KIRREL2: variants seen among roughly 807,000 people sequenced by gnomAD.
KIRREL2 encodes the protein kin of IRRE-like protein 2.
Under a neutral mutation model 73.4 loss-of-function variants are expected in KIRREL2, and 56 were observed. The observed-to-expected ratio is 0.76, with a 90% CI of 0.62 to 0.95. The LOEUF is 0.95. Among genes scored for constraint, KIRREL2 ranks in the 40% least tolerant of loss-of-function variants. The probability of loss-of-function intolerance (pLI) is 0.00; values close to 1 mark genes in which losing one functional copy is unlikely to be tolerated. For missense variants in KIRREL2, 896 were observed against 935.0 expected, an observed-to-expected ratio of 0.96 and a Z score of 0.54; for synonymous variants, 407 against 404.0, an observed-to-expected ratio of 1.01 and a Z score of -0.09.
At position 35,857,137 on chromosome 19, in the gene KIRREL2, C is replaced by T; in HGVS notation, c.18C>T (p.Val6=). ...GGGGACGAATGCTCAGGATGCGGGT[C>T]CCCGCCCTCCTCGTCCTCCTCTTCT... The part of the protein sequence containing the change: MLRMR[V]PALLVLLFCF... The change falls in exon 1 of 15, where the codon GTC becomes GTT. Residue 6 remains valine (V), a synonymous_variant. Coordinates refer to ENST00000360202, the MANE Select transcript of KIRREL2 (RefSeq NM_199180.4). 6.2e-7 allele frequency: 1 copy of T among 1,613,696 alleles called. No homozygotes were observed. The highest frequency in any genetic ancestry group is 8.5e-7 in the Non-Finnish European group (1 of 1,179,936).
rs1454753886 is a variant in KIRREL2 at position 35,860,929 on chromosome 19, A to G, written c.949A>G (p.Lys317Glu). Reference protein sequence around the residue: ...DVLFGPILQAKPEPVSVDVGE... With the variant: ...DVLFGPILQAEPEPVSVDVGE... ...TCCAGTTGGGCCGATTCTGCAGGCA[A>G]AGCCGGAGCCCGTGTCCGTGGACGT... The change falls in exon 8 of 15, where the codon AAG (lysine) becomes GAG (glutamate). Residue 317 changes from lysine (K) to glutamate (E), a missense_variant. Physicochemically the swap from Lys to Glu is moderately conservative, Grantham distance 56. Coordinates refer to ENST00000360202, the MANE Select transcript of KIRREL2 (RefSeq NM_199180.4). The G allele has an allele frequency of 6.2e-7, 1 of 1,613,858 alleles. No homozygotes were observed. The highest frequency in any genetic ancestry group is 1.1e-5 in the South Asian group (1 of 91,058).
chr19:35,857,055 C>A lies in KIRREL2; in HGVS notation c.-65C>A. On this transcript the variant is annotated 5_prime_UTR_variant, in exon 1 of 15. Coordinates refer to ENST00000360202, the MANE Select transcript of KIRREL2 (RefSeq NM_199180.4). ...CCGGGCCAGGGTGACAGGAGGCGTG[C>A]TTGAGAGGAAGAAGTTGACGGGAAG... 1 of 1,548,410 alleles carries A rather than the reference C, an allele frequency of 6.5e-7. No individual in the cohort carries two copies.
chr19:35,858,585 G>C, intron 3 of KIRREL2, 28 bp downstream of exon 3: 1 of 1,612,986 alleles, frequency 6.2e-7, no homozygotes, highest in African/African-American at 1.3e-5. Context: ...TTGTCCCCTG[G>C]GAGCCCAAGA....
chr19:35,854,255 G>C (rs537551778), upstream of KIRREL2, among the ~76,000 whole-genome samples: 3 of 152,134 alleles, frequency 2.0e-5, no homozygotes, highest in Non-Finnish European at 4.4e-5. Context: ...GCCTCCCAAA[G>C]TACTAGGATT....
chr19:35,858,916 T>A (rs375686298), intron 4 of KIRREL2, 52 bp downstream of exon 4: 16 of 1,594,794 alleles, frequency 1.0e-5, no homozygotes, highest in Non-Finnish European at 1.4e-5. Context: ...AAACTTGGGT[T>A]ACACTCTGAC....
At chr19:35,865,337 G>C (rs775817098) in intron 14 of KIRREL2, among the ~76,000 whole-genome samples, 10 of 151,972 alleles carry the variant, frequency 6.6e-5, no homozygotes, top group Non-Finnish European at 1.2e-4. Flanking sequence ...TTTTAGTAGA[G>C]ATGGAGTTTC....
chr19:35,855,653 CCATA>C (rs1431990062), upstream of KIRREL2, among the ~76,000 whole-genome samples: 4 of 87,384 alleles, frequency 4.6e-5, no homozygotes, highest in Admixed American at 2.5e-4. Context: ...CCGCACCTCC[CCATA>C]CACACACACA....
Position 35,860,547 on chromosome 19 carries a change from G to C in KIRREL2, c.808G>C (p.Gly270Arg). 1 of 1,603,120 alleles carries C rather than the reference G, an allele frequency of 6.2e-7. No individual in the cohort carries two copies. The highest frequency in any genetic ancestry group is 8.5e-7 in the Non-Finnish European group (1 of 1,179,938). ...GGCAAAAGGGGGCTCTCCGGTGCTC[G>C]GGGCCCGCGGGCCAAGGTTAGAGGT... ...RWAKGGSPVL[G>R]ARGPRLEVVA... Residue 270 changes from glycine (G) to arginine (R), a missense_variant, in exon 7 of 15, where the codon GGG (glycine) becomes CGG (arginine). Coordinates refer to ENST00000360202, the MANE Select transcript of KIRREL2 (RefSeq NM_199180.4).
At position 35,866,184 on chromosome 19, in the gene KIRREL2, C is replaced by T. The variant is rs781024681; in HGVS notation, c.1819C>T (p.Arg607Ter). 2.4e-5 allele frequency: 38 copies of T among 1,611,866 alleles called. No homozygotes were observed. The highest frequency in any genetic ancestry group is 1.5e-4 in the South Asian group (14 of 90,956). The change falls in exon 15 of 15, where the codon CGA becomes TGA. Residue 607 changes from arginine to a stop codon, truncating the protein, a stop_gained. Coordinates refer to ENST00000360202, the MANE Select transcript of KIRREL2 (RefSeq NM_199180.4). LOFTEE classifies it high-confidence loss of function. ...KDPTNGYYKV[R>*]GVSVSLSLGE... The stretch of plus-strand genomic sequence containing the variant: ...CCCAACCAACGGTTACTACAAGGTC[C>T]GAGGAGTCAGTGTGAGCCTGAGCCT...
chr19:35,851,719 G>C, upstream of KIRREL2: 1 of 1,576,380 alleles, frequency 6.3e-7, no homozygotes, highest in Non-Finnish European at 8.6e-7. Flanking sequence ...GTTTGTCTAG[G>C]GAAGGTAAGT....
upstream of KIRREL2, chr19:35,851,643 C>T (rs770291189): frequency 1.6e-5 from 26 of 1,613,652 alleles, no homozygotes; most frequent in South Asian, 4.4e-5. Flanking sequence ...CCCCGGGGAA[C>T]GGAGGCAGGA....
rs1212888250 is a variant in KIRREL2, at chr19:35,866,428, C to T, written c.2063C>T (p.Thr688Ile). 6.8e-6 allele frequency: 11 copies of T among 1,605,920 alleles called. No individual in the cohort carries two copies. The highest frequency in any genetic ancestry group is 9.4e-6 in the Non-Finnish European group (11 of 1,172,866). Residue 688 changes from threonine (T) to isoleucine (I), a missense_variant, in exon 15 of 15, where the codon ACT becomes ATT. Physicochemically the swap from Thr to Ile is moderately conservative, Grantham distance 89. Coordinates refer to ENST00000360202, the MANE Select transcript of KIRREL2 (RefSeq NM_199180.4). ...SFGPPDLAPG[T>I]PPFPYAAFPT... ...GGGCCCCCAGATCTGGCCCCCGGGA[C>T]TCCCCCCTTCCCATATGCTGCCTTC...
rs1397108973 is a variant in KIRREL2 at position 35,864,765 on chromosome 19, C to G, written c.1791+52C>G. On this transcript the variant is annotated intron_variant, in intron 14 of 14. Coordinates refer to ENST00000360202, the MANE Select transcript of KIRREL2 (RefSeq NM_199180.4). ...CTTCACTGTTGGGAGAGGCGGGGCT[C>G]CCTTCATTGTGTTTCCGTCTCTCTC... 6 of 1,381,254 alleles carry G rather than the reference C, an allele frequency of 4.3e-6. No individual in the cohort carries two copies. In the Admixed American group the frequency reaches 1.0e-4, roughly 23 times the overall value. The allele number at this position is 1,381,254 out of a possible 1,614,324, so 85.6% of individuals were successfully genotyped here. A position where few individuals can be genotyped will look rare whatever the true frequency, so the allele number is the denominator to read the frequency against.
chr19:35,866,015 ATG>A, intron 14 of KIRREL2, 140 bp from the exon 15 acceptor site: 2 of 747,014 alleles, frequency 2.7e-6, no homozygotes, highest in Middle Eastern at 3.8e-4. Context: ...CTCCCAGTCC[ATG>A]TGTGTCTCTG....
chr19:35,865,173 CTTTTTTT>C (rs35569940), intron 14 of KIRREL2, among the ~76,000 whole-genome samples: 1 of 105,216 alleles, frequency 9.5e-6, no homozygotes, highest in Admixed American at 1.2e-4. Context: ...TCTCTCTCTT[CTTTTTTT>C]TTTTTTTTTT....
In KIRREL2 at chr19:35,866,302, T is replaced by G; in HGVS notation, c.1937T>G (p.Leu646Arg). The G allele has an allele frequency of 6.2e-7, 1 of 1,611,556 alleles. No homozygotes were observed. Reference sequence around the variant, plus strand: ...ACCTTCTATGACTTCAACCCACACCTGGGCATGGTCCCCCCCTGCAGACTT... The same window carrying G: ...ACCTTCTATGACTTCAACCCACACCGGGGCATGGTCCCCCCCTGCAGACTT... ...TPTFYDFNPH[L>R]GMVPPCRLYR... The change falls in exon 15 of 15, where the codon CTG (leucine) becomes CGG (arginine). Residue 646 changes from leucine (L) to arginine (R), a missense_variant. Transcript: ENST00000360202.
intron 13 of KIRREL2, among the ~76,000 whole-genome samples, chr19:35,864,442 G>A (rs150993495): frequency 2.0e-3 from 305 of 152,022 alleles, no homozygotes; most frequent in Non-Finnish European, 2.9e-3. Context: ...CTCCTGCTGC[G>A]GCCTCCCAAA....
chr19:35,858,328 G>C (rs983977417), intron 2 of KIRREL2, 80 bp from the exon 3 acceptor site: 16 of 1,530,516 alleles, frequency 1.0e-5, no homozygotes, highest in Non-Finnish European at 1.4e-5. Flanking sequence ...CAGTTTTCTG[G>C]TGGAGGATGT....
chr19:35,851,663 T>C, upstream of KIRREL2: 1 of 1,612,956 alleles, frequency 6.2e-7, no homozygotes. Context: ...AATCGCCAAC[T>C]GCGCCAGGCC....
Sources: gnomAD v4.1 joint callset for allele counts (sites outside exome capture counted in the v4.1 genomes callset) on GRCh38, gnomAD v4.1.1 for gene constraint, MANE v1.5 for transcripts, NCBI Gene and HGNC (gene_info 2026-07-23, HGNC 2026-07-21) for gene names.